The following KCNMA1 variants were observed in gnomAD, a reference collection of about 807,000 sequenced individuals.
The protein encoded by KCNMA1 is Calcium-activated potassium channel subunit alpha-1.
A neutral mutation model predicts 140.0 loss-of-function variants in KCNMA1; 29 were observed. That is an observed-to-expected ratio of 0.21 (90% confidence interval 0.15 to 0.28). The LOEUF (loss-of-function observed/expected upper bound fraction) is 0.28. Ranked by LOEUF, KCNMA1 falls within the 10% of genes least tolerant of loss-of-function variation. The pLI is 1.00. For synonymous variants in KCNMA1, 612 were observed against 611.9 expected (o/e 1.00, Z 0.00); for missense variants, 880 against 1,602.2 (o/e 0.55, Z 7.70).
rs373241345 is a variant in KCNMA1 at position 77,059,201 on chromosome 10, T to G, written c.1749+13896A>C. On this transcript the variant is annotated intron_variant, in intron 14 of 27. Transcript: ENST00000286628. ...CTATAACCATTGAAGACATTGAATT[T>G]GTATTTAAAAACTTTCAGAAAAGAA... 3.0e-4 allele frequency among the ~76,000 whole-genome samples: 46 copies of G among 152,138 alleles called. No individual in the cohort carries two copies. In the South Asian group the frequency reaches 9.5e-3, roughly 32 times the overall value.
At chr10:77,414,528 G>A (rs2154479346) in intron 1 of KCNMA1, among the ~76,000 whole-genome samples, 1 of 152,042 alleles carries the variant, frequency 6.6e-6, no homozygotes, top group Non-Finnish European at 1.5e-5. Context: ...GTCTCACTCT[G>A]TCGCCCAGGA....
At chr10:77,254,427 T>G (rs1842685417) in intron 2 of KCNMA1, among the ~76,000 whole-genome samples, 1 of 152,090 alleles carries the variant, frequency 6.6e-6, no homozygotes, top group African/African-American at 2.4e-5. Flanking sequence ...TTCACCATGT[T>G]GGCCAGGCTG....
intron 1 of KCNMA1, among the ~76,000 whole-genome samples, chr10:77,608,763 T>G (rs1372907217): frequency 6.6e-6 from 1 of 152,154 alleles, no homozygotes; most frequent in Non-Finnish European, 1.5e-5. Flanking sequence ...TTATTTAACA[T>G]CTCTATCAAA....
At chr10:76,924,971 C>A (rs749051513) in intron 23 of KCNMA1, among the ~76,000 whole-genome samples, 8 of 152,136 alleles carry the variant, frequency 5.3e-5, no homozygotes, top group Admixed American at 1.3e-4. Flanking sequence ...GCCTTACCCA[C>A]TTCAGAAACG....
intron 12 of KCNMA1, among the ~76,000 whole-genome samples, chr10:77,082,007 CTT>C (rs201288668): frequency 6.6e-3 from 215 of 32,362 alleles, no homozygotes; most frequent in Non-Finnish European, 8.8e-3. Context: ...TTTTTCTTTT[CTT>C]TTTTTTTTTT....
intron 1 of KCNMA1, among the ~76,000 whole-genome samples, chr10:77,606,709 G>A (rs1382201953): frequency 7.2e-5 from 11 of 152,100 alleles, no homozygotes; most frequent in Non-Finnish European, 1.6e-4. Context: ...CTGAGCTGAG[G>A]GGAGCCAAGG....
rs760789370 is a variant in KCNMA1, at chr10:76,953,804, G to T, written c.2481C>A (p.Ile827=). The T allele has an allele frequency of 4.3e-6, 7 of 1,613,978 alleles. No homozygotes were observed. The highest frequency in any genetic ancestry group is 5.9e-6 in the Non-Finnish European group (7 of 1,179,926). ...AGATGCACAGTCCCTCACTCACCAG[G>T]ATGACTTTCTCTATCTCCTTGGGTG... is the stretch of plus-strand genomic sequence containing the variant. ...WCAPKEIEKV[I]LTRSEAAMTV... The change falls in exon 21 of 28, where the codon ATC becomes ATA. Residue 827 remains isoleucine, a synonymous_variant. Coordinates refer to ENST00000286628, the MANE Select transcript of KCNMA1 (RefSeq NM_001161352.2).
chr10:77,279,186 C>T (rs2067590679), intron 2 of KCNMA1, among the ~76,000 whole-genome samples: 1 of 152,188 alleles, frequency 6.6e-6, no homozygotes, highest in South Asian at 2.1e-4. Context: ...GTGAACTCTA[C>T]TACATTTAGA....
At chr10:76,879,450 T>A (rs1350325153) in intron 29 of KCNMA1, among the ~76,000 whole-genome samples, 1 of 152,182 alleles carries the variant, frequency 6.6e-6, no homozygotes, top group African/African-American at 2.4e-5. Context: ...TGAAGCTAAC[T>A]GATTAAGTGC....
intron 2 of KCNMA1, among the ~76,000 whole-genome samples, chr10:77,325,131 C>G (rs1361540824): frequency 1.3e-5 from 2 of 152,034 alleles, no homozygotes; most frequent in African/African-American, 4.8e-5. Flanking sequence ...GGAGCAAAGA[C>G]AATAGGAAAA....
intron 21 of KCNMA1, among the ~76,000 whole-genome samples, chr10:76,953,117 G>A (rs559166145): frequency 5.3e-5 from 8 of 152,242 alleles, no homozygotes; most frequent in Admixed American, 2.0e-4. Context: ...AGCCTTCCAC[G>A]AAATAGGGCT....
At chr10:77,470,527 C>T (rs2098127907) in intron 1 of KCNMA1, among the ~76,000 whole-genome samples, 1 of 152,144 alleles carries the variant, frequency 6.6e-6, no homozygotes, top group Non-Finnish European at 1.5e-5. Context: ...AGGGGATCTC[C>T]TCCTAACCAG....
Position 76,935,637 on chromosome 10 carries a change from A to T in KCNMA1, c.2902+9136T>A, listed in dbSNP as rs552220182. ...CCTGAAAAAAAAATTACATTTTCTT[A>T]AAAAAGGCATTAACCAGGCACACAA... On this transcript the variant is annotated intron_variant, in intron 23 of 27. Transcript: ENST00000286628. Among the ~76,000 whole-genome samples, 12 of 152,310 alleles carry T rather than the reference A, an allele frequency of 7.9e-5. No individual in the cohort carries two copies. In the East Asian group the frequency reaches 2.3e-3, roughly 29 times the overall value.
At chr10:77,011,670 C>T (rs896551322) in intron 18 of KCNMA1, among the ~76,000 whole-genome samples, 1 of 152,174 alleles carries the variant, frequency 6.6e-6, no homozygotes, top group Non-Finnish European at 1.5e-5. Context: ...CCTTATTATA[C>T]ATCATACTTG....
At chr10:77,300,115 C>T (rs2076199211) in intron 2 of KCNMA1, among the ~76,000 whole-genome samples, 1 of 152,208 alleles carries the variant, frequency 6.6e-6, no homozygotes, top group African/African-American at 2.4e-5. Context: ...CCATTCACTT[C>T]CTAAGCCAGG....
intron 1 of KCNMA1, among the ~76,000 whole-genome samples, chr10:77,474,422 A>G (rs1286625861): frequency 6.6e-6 from 1 of 152,208 alleles, no homozygotes; most frequent in Non-Finnish European, 1.5e-5. Context: ...ATGTGAAGAT[A>G]CAGGGAAAAC....
chr10:77,636,246 G>A, intron 1 of KCNMA1: 1 of 1,435,244 alleles, frequency 7.0e-7, no homozygotes, highest in South Asian at 1.5e-5. Context: ...TATCAGTGTC[G>A]GGTCCCCCAC....
chr10:77,404,164 G>A, intron 1 of KCNMA1, 141 bp from the exon 2 acceptor site: 30 of 665,864 alleles, frequency 4.5e-5, no homozygotes, highest in South Asian at 1.5e-4. Flanking sequence ...AAGCAGAAGG[G>A]GTAAATTATG....
chr10:77,463,614 G>T (rs1411650668), intron 1 of KCNMA1, among the ~76,000 whole-genome samples: 1 of 152,168 alleles, frequency 6.6e-6, no homozygotes. Context: ...CTCCAAGAGG[G>T]AGTTAATTCA....
Sources: allele counts gnomAD v4.1 joint callset (sites outside exome capture counted in the v4.1 genomes callset), GRCh38; gene constraint gnomAD v4.1.1; transcripts MANE v1.5; gene names NCBI Gene and HGNC (gene_info 2026-07-23, HGNC 2026-07-21).